Variants in HCN1 observed in about 807,000 individuals in gnomAD.
HCN1 encodes potassium/sodium hyperpolarization-activated cyclic nucleotide-gated channel 1.
A neutral mutation model predicts 78.9 loss-of-function variants in HCN1; 13 were observed. The observed-to-expected ratio is 0.16, with a 90% confidence interval of 0.11 to 0.26. The LOEUF (loss-of-function observed/expected upper bound fraction) is 0.26. Ranked by LOEUF, HCN1 falls within the 10% of genes least tolerant of loss-of-function variation. The probability of loss-of-function intolerance (pLI) is 1.00; values close to 1 mark genes in which losing one functional copy is unlikely to be tolerated. For synonymous variants in HCN1, 552 were observed against 455.5 expected (o/e 1.21, Z -2.70); for missense variants, 810 against 1,154.3 (o/e 0.70, Z 4.32).
intron 2 of HCN1, among the ~76,000 whole-genome samples, chr5:45,497,057 G>C (rs1055258314): frequency 1.3e-5 from 2 of 152,138 alleles, no homozygotes; most frequent in Non-Finnish European, 2.9e-5. Context: ...ATTGCACTGT[G>C]GTCTGAGAGA....
chr5:45,481,665 G>A (rs1396898081), intron 2 of HCN1, among the ~76,000 whole-genome samples: 2 of 152,178 alleles, frequency 1.3e-5, no homozygotes, highest in African/African-American at 4.8e-5. Context: ...ATAGTGAGAT[G>A]AAGACTTTTT....
intron 2 of HCN1, among the ~76,000 whole-genome samples, chr5:45,524,337 G>A (rs1365089468): frequency 5.3e-5 from 8 of 152,084 alleles, no homozygotes; most frequent in South Asian, 4.2e-4. Flanking sequence ...TTGACTTGGC[G>A]ATGAGGGCTC....
At chr5:45,619,369 G>A (rs1459667336) in intron 2 of HCN1, among the ~76,000 whole-genome samples, 1 of 152,088 alleles carries the variant, frequency 6.6e-6, no homozygotes, top group African/African-American at 2.4e-5. Context: ...AACTGGGGAA[G>A]AGAGAATACA....
chr5:45,478,390 TA>T (rs1038809004), intron 2 of HCN1, among the ~76,000 whole-genome samples: 3 of 152,220 alleles, frequency 2.0e-5, no homozygotes, highest in Admixed American at 1.3e-4. Flanking sequence ...TAGCAGATGC[TA>T]AACTTTATGA....
At chr5:45,390,782 C>A (rs781603643) in intron 4 of HCN1, among the ~76,000 whole-genome samples, 1 of 152,046 alleles carries the variant, frequency 6.6e-6, no homozygotes, top group Admixed American at 6.6e-5. Flanking sequence ...AAACTCCCTC[C>A]CTTATAAAGA....
chr5:45,593,243 C>A, intron 2 of HCN1, among the ~76,000 whole-genome samples: 1 of 147,984 alleles, frequency 6.8e-6, no homozygotes, highest in South Asian at 2.1e-4. Flanking sequence ...CAGACACACA[C>A]AAACACGCAC....
chr5:45,419,788 C>G (rs1043103498), intron 3 of HCN1, among the ~76,000 whole-genome samples: 1 of 152,180 alleles, frequency 6.6e-6, no homozygotes, highest in African/African-American at 2.4e-5. Flanking sequence ...ACATTACTTT[C>G]TTTTCTGGGT....
In HCN1 at chr5:45,352,378, A is replaced by G. The variant is rs377056560; in HGVS notation, c.1377+722T>C. On this transcript the variant is annotated intron_variant, in intron 5 of 7. Coordinates refer to ENST00000303230, the MANE Select transcript of HCN1 (RefSeq NM_021072.4). The stretch of plus-strand genomic sequence containing the variant: ...CATCACACTCTGGGGAGTGTTGTGC[A>G]GTGGGGGGAGGGGGAGGGATAGCAT... 6.7e-4 allele frequency among the ~76,000 whole-genome samples: 99 copies of G among 148,308 alleles called. 1 individual carries two copies. In the East Asian group the frequency reaches 0.012, roughly 19 times the overall value.
At chr5:45,333,399 A>T (rs1746386835) in intron 5 of HCN1, among the ~76,000 whole-genome samples, 1 of 151,840 alleles carries the variant, frequency 6.6e-6, no homozygotes, top group African/African-American at 2.4e-5. Flanking sequence ...ATCCCTTATT[A>T]GATGGGTGTG....
chr5:45,525,637 T>G (rs1047086635), intron 2 of HCN1, among the ~76,000 whole-genome samples: 1 of 151,942 alleles, frequency 6.6e-6, no homozygotes, highest in African/African-American at 2.4e-5. Context: ...TAAGTTCAAG[T>G]AAACATTATT....
Position 45,353,508 on chromosome 5 carries a change from G to T in HCN1, c.1231-262C>A, listed in dbSNP as rs533831399. Among the ~76,000 whole-genome samples the T allele has an allele frequency of 3.3e-5, 5 of 151,904 alleles. No homozygotes were observed. The South Asian group carries it at 6.2e-4, about 19-fold the overall frequency. ...AGGAGGCATGAAGGGAGTTAAGAGT[G>T]AATTTAAGGGAGTAGCTACAGAAAA... On this transcript the variant is annotated intron_variant, in intron 4 of 7. Coordinates refer to ENST00000303230, the MANE Select transcript of HCN1 (RefSeq NM_021072.4).
In HCN1 at chr5:45,405,608, A is replaced by C. The variant is rs113137812; in HGVS notation, c.1012-8898T>G. 2.6e-5 allele frequency among the ~76,000 whole-genome samples: 4 copies of C among 152,132 alleles called. 1 individual carries two copies. Among genetic ancestry groups the C allele is most frequent in the African/African-American group, 9.6e-5 (4 of 41,536 alleles). On this transcript the variant is annotated intron_variant, in intron 3 of 7. Coordinates refer to ENST00000303230, the MANE Select transcript of HCN1 (RefSeq NM_021072.4). ...ATTTTTATAGAGATAAGGTCTTGCT[A>C]TGTTGCTGAAGCTGGTTTCAAACTC...
chr5:45,462,331 C>T (rs905274731), intron 2 of HCN1, among the ~76,000 whole-genome samples: 1 of 152,020 alleles, frequency 6.6e-6, no homozygotes, highest in Non-Finnish European at 1.5e-5. Context: ...TACTTTAAAA[C>T]AAGGTAGCAA....
At chr5:45,628,798 C>T (rs1745218721) in intron 2 of HCN1, among the ~76,000 whole-genome samples, 1 of 151,648 alleles carries the variant, frequency 6.6e-6, no homozygotes, top group Non-Finnish European at 1.5e-5. Context: ...ATGGTGAAAC[C>T]CTGTCTCTTC....
chr5:45,626,363 T>C (rs1745163627), intron 2 of HCN1, among the ~76,000 whole-genome samples: 1 of 152,146 alleles, frequency 6.6e-6, no homozygotes, highest in African/African-American at 2.4e-5. Flanking sequence ...CTGGGAAACA[T>C]CCTTCAACAA....
chr5:45,371,919 A>C (rs1254230610), intron 4 of HCN1, among the ~76,000 whole-genome samples: 2 of 106,976 alleles, frequency 1.9e-5, no homozygotes, highest in Admixed American at 1.5e-4. Context: ...AAAAATATAT[A>C]ATATACATTA....
At chr5:45,564,120 A>G (rs560844528) in intron 2 of HCN1, among the ~76,000 whole-genome samples, 3 of 152,292 alleles carry the variant, frequency 2.0e-5, no homozygotes, top group African/African-American at 7.2e-5. Context: ...TGAAAACTTA[A>G]AACACTGAGT....
At chr5:45,534,534 T>G (rs1163573509) in intron 2 of HCN1, among the ~76,000 whole-genome samples, 1 of 150,234 alleles carries the variant, frequency 6.7e-6, no homozygotes, top group Non-Finnish European at 1.5e-5. Context: ...AAGTGTATAA[T>G]GTCATAACTA....
intron 3 of HCN1, among the ~76,000 whole-genome samples, chr5:45,453,711 T>C (rs1740969246): frequency 6.6e-6 from 1 of 152,144 alleles, no homozygotes; most frequent in Non-Finnish European, 1.5e-5. Flanking sequence ...CAATTCTGTT[T>C]CAGACTCTTT....
Sources: allele counts gnomAD v4.1 joint callset (sites outside exome capture counted in the v4.1 genomes callset), GRCh38; gene constraint gnomAD v4.1.1; transcripts MANE v1.5; gene names NCBI Gene and HGNC (gene_info 2026-07-23, HGNC 2026-07-21).